PIK3C2G: variants seen among roughly 807,000 people sequenced by gnomAD.
PIK3C2G encodes the protein phosphatidylinositol-4-phosphate 3-kinase catalytic subunit type 2 gamma.
In PIK3C2G, 168 loss-of-function variants were observed where a neutral mutation model predicts 181.1. The observed-to-expected ratio is 0.93, with a 90% CI of 0.82 to 1.05. The LOEUF is 1.05. Ranked by LOEUF, PIK3C2G falls within the 50% of genes least tolerant of loss-of-function variation. The probability of loss-of-function intolerance (pLI) is 0.00; values close to 1 mark genes in which losing one functional copy is unlikely to be tolerated. For synonymous variants in PIK3C2G, 573 were observed against 592.2 expected (o/e 0.97, Z 0.47); for missense variants, 1,869 against 1,732.8 (o/e 1.08, Z -1.40).
At position 18,387,144 on chromosome 12, in the gene PIK3C2G, C is replaced by T. The variant is rs751868630; in HGVS notation, c.1996-3978C>T. ...TTCCTTCTTTCTCTCTACTCATATCCGGTCCATACTATATCCTGCCAATTT... is the reference window on the plus strand; with the variant it reads ...TTCCTTCTTTCTCTCTACTCATATCTGGTCCATACTATATCCTGCCAATTT... On this transcript the variant is annotated intron_variant, in intron 14 of 32. Transcript: ENST00000538779. Among the ~76,000 whole-genome samples the T allele has an allele frequency of 5.9e-5, 9 of 152,104 alleles. No individual in the cohort carries two copies. In the South Asian group the frequency reaches 6.2e-4, roughly 11 times the overall value.
chr12:18,723,955 C>A, the PIK3C2G span, among the ~76,000 whole-genome samples: 3 of 152,010 alleles, frequency 2.0e-5, no homozygotes, highest in African/African-American at 7.2e-5. Flanking sequence ...ACTGCAGAAG[C>A]TGTAGTAGTT....
the PIK3C2G span, among the ~76,000 whole-genome samples, chr12:18,697,105 T>C: frequency 6.6e-6 from 1 of 152,216 alleles, no homozygotes; most frequent in East Asian, 1.9e-4. Flanking sequence ...TCTCCAAGGA[T>C]TTTCTTTTTT....
At chr12:18,425,386 C>CCTT (rs1304456224) in intron 18 of PIK3C2G, among the ~76,000 whole-genome samples, 8 of 65,312 alleles carry the variant, frequency 1.2e-4, no homozygotes, top group Non-Finnish European at 1.6e-4. Context: ...ACAGACATTT[C>CCTT]TTTTTTTTTT....
chr12:18,594,232 G>A (rs188256716), intron 29 of PIK3C2G, among the ~76,000 whole-genome samples: 1 of 151,950 alleles, frequency 6.6e-6, no homozygotes, highest in African/African-American at 2.4e-5. Context: ...CATTTATGAT[G>A]AGGTCCAAGA....
intron 6 of PIK3C2G, among the ~76,000 whole-genome samples, chr12:18,318,659 C>G (rs890620948): frequency 6.6e-6 from 1 of 151,794 alleles, no homozygotes; most frequent in Admixed American, 6.6e-5. Context: ...ACCATTACCT[C>G]GCAGTAGATA....
chr12:18,423,146 A>AGT (rs200060648), intron 17 of PIK3C2G, among the ~76,000 whole-genome samples: 1,977 of 149,470 alleles, frequency 0.013, 15 homozygotes, highest in East Asian at 0.025. Context: ...AGAGAGAGAG[A>AGT]GTGTGTGTGT....
At chr12:18,329,309 A>G (rs56355423) in intron 8 of PIK3C2G, among the ~76,000 whole-genome samples, 2,674 of 151,942 alleles carry the variant, frequency 0.018, 84 homozygotes, top group African/African-American at 0.061. Context: ...AAGAATAATA[A>G]TAGAAAACCC....
the PIK3C2G span, among the ~76,000 whole-genome samples, chr12:18,721,715 TA>T: frequency 0.25 from 35,489 of 139,578 alleles, 4,377 homozygotes; most frequent in East Asian, 0.33. Context: ...GTCTTGCTAT[TA>T]AAAAAAAAAA....
chr12:18,327,987 C>T (rs1193092049), intron 8 of PIK3C2G, among the ~76,000 whole-genome samples: 1 of 151,944 alleles, frequency 6.6e-6, no homozygotes, highest in Non-Finnish European at 1.5e-5. Flanking sequence ...TTTAAAATCA[C>T]TTCTTCCTAG....
upstream of PIK3C2G, among the ~76,000 whole-genome samples, chr12:18,244,918 C>A (rs980668627): frequency 6.6e-6 from 1 of 151,968 alleles, no homozygotes; most frequent in Admixed American, 6.6e-5. Context: ...AGTCAAAGAT[C>A]GAGGTTATAT....
At chr12:18,349,009 C>T (rs902479824) in intron 11 of PIK3C2G, among the ~76,000 whole-genome samples, 2 of 152,148 alleles carry the variant, frequency 1.3e-5, no homozygotes, top group East Asian at 1.9e-4. Context: ...AGCCTCAATT[C>T]CTTGCCACAG....
At chr12:18,409,914 C>T (rs1330000842) in intron 16 of PIK3C2G, among the ~76,000 whole-genome samples, 2 of 151,998 alleles carry the variant, frequency 1.3e-5, no homozygotes, top group Admixed American at 6.6e-5. Flanking sequence ...CATGGCTGGG[C>T]AGGAGGAAGA....
chr12:18,712,579 A>G, the PIK3C2G span, among the ~76,000 whole-genome samples: 1 of 152,172 alleles, frequency 6.6e-6, no homozygotes, highest in Non-Finnish European at 1.5e-5. Flanking sequence ...AATAATAAAT[A>G]TATTTTACCT....
chr12:18,612,134 A>C (rs1948371062), intron 31 of PIK3C2G, among the ~76,000 whole-genome samples: 1 of 152,130 alleles, frequency 6.6e-6, no homozygotes, highest in East Asian at 1.9e-4. Flanking sequence ...TGCCAGCCTC[A>C]GTGCCTTCTT....
chr12:18,480,024 A>G (rs549789296), intron 18 of PIK3C2G, among the ~76,000 whole-genome samples: 2 of 152,274 alleles, frequency 1.3e-5, no homozygotes, highest in Admixed American at 6.5e-5. Context: ...CCAGGACACC[A>G]CAGAAGAGAG....
chr12:18,386,859 T>A (rs1943201144), intron 14 of PIK3C2G, among the ~76,000 whole-genome samples: 1 of 152,168 alleles, frequency 6.6e-6, no homozygotes, highest in Non-Finnish European at 1.5e-5. Flanking sequence ...CTGGGTCTCA[T>A]ACATTTCTAA....
chr12:18,585,383 G>A (rs369994649), intron 29 of PIK3C2G, among the ~76,000 whole-genome samples: 1 of 151,274 alleles, frequency 6.6e-6, no homozygotes, highest in African/African-American at 2.4e-5. Flanking sequence ...AAAAGCAAGA[G>A]TTGTAATCCT....
the PIK3C2G span, among the ~76,000 whole-genome samples, chr12:18,706,838 A>T: frequency 7.1e-3 from 1,087 of 152,282 alleles, 11 homozygotes; most frequent in African/African-American, 0.025. Flanking sequence ...TTGGTGGCTT[A>T]CAACAACAAC....
At chr12:18,367,288 C>T (rs1941707075) in intron 12 of PIK3C2G, among the ~76,000 whole-genome samples, 1 of 152,056 alleles carries the variant, frequency 6.6e-6, no homozygotes, top group Admixed American at 6.6e-5. Flanking sequence ...GAAATATGTC[C>T]ATACTACCTT....
Sources: gnomAD v4.1 joint callset for allele counts (sites outside exome capture counted in the v4.1 genomes callset) on GRCh38, gnomAD v4.1.1 for gene constraint, MANE v1.5 for transcripts, NCBI Gene and HGNC (gene_info 2026-07-23, HGNC 2026-07-21) for gene names.